Variants in IFT43 observed in about 807,000 individuals in gnomAD.
IFT43 encodes the protein intraflagellar transport protein 43 homolog.
IFT43 carries 33 observed loss-of-function variants against 32.3 expected under a neutral mutation model. The observed-to-expected ratio is 1.02, with a 90% CI of 0.77 to 1.37. The LOEUF (loss-of-function observed/expected upper bound fraction) is 1.37, where lower values mean the gene tolerates loss of function less well. IFT43 is among the 40% of genes most tolerant of loss of function. IFT43 has a pLI of 0.00. For missense variants in IFT43, 274 were observed against 265.9 expected (o/e 1.03, Z -0.21); for synonymous variants, 93 against 98.2 (o/e 0.95, Z 0.31).
chr14:76,063,788 T>C (rs1370659512), intron 5 of IFT43, among the ~76,000 whole-genome samples: 1 of 152,192 alleles, frequency 6.6e-6, no homozygotes, highest in Non-Finnish European at 1.5e-5. Flanking sequence ...GATAATTCTC[T>C]GATAATCACA....
intron 6 of IFT43, 73 bp from the exon 7 acceptor site, chr14:76,082,544 G>A (rs1364116021): frequency 6.4e-7 from 1 of 1,564,160 alleles, no homozygotes; most frequent in Non-Finnish European, 8.8e-7. Flanking sequence ...AGGTTCTGGG[G>A]ACGGTGGCCC....
chr14:76,012,312 G>C (rs1332461470), intron 2 of IFT43, among the ~76,000 whole-genome samples: 1 of 152,136 alleles, frequency 6.6e-6, no homozygotes, highest in Non-Finnish European at 1.5e-5. Context: ...TTAAGAATCT[G>C]GGGGAACCAT....
chr14:76,040,346 C>T (rs1012511483), intron 3 of IFT43, among the ~76,000 whole-genome samples: 1 of 152,174 alleles, frequency 6.6e-6, no homozygotes, highest in African/African-American at 2.4e-5. Context: ...TTTTCCCAGA[C>T]TGAAAAAACC....
chr14:76,019,378 CT>C (rs1020937145), intron 2 of IFT43, among the ~76,000 whole-genome samples: 68 of 143,728 alleles, frequency 4.7e-4, no homozygotes, highest in East Asian at 4.0e-4. Context: ...TCATAGCTGC[CT>C]TTTTTTTTTT....
chr14:76,059,676 C>G (rs2037093000), intron 5 of IFT43: 1 of 427,762 alleles, frequency 2.3e-6, no homozygotes, highest in African/African-American at 2.0e-5. Flanking sequence ...TCTCCATGCT[C>G]CTCTAACCTC....
At position 76,036,890 on chromosome 14, in the gene IFT43, C is replaced by T. The variant is rs530528387; in HGVS notation, c.215+14496C>T. ...TTGCTCAGGCTAGAGTGCAGTGGCA[C>T]GATCATAGCTCACTGCAACCTTGAA... On this transcript the variant is annotated intron_variant, in intron 3 of 8. Coordinates refer to ENST00000314067, the MANE Select transcript of IFT43 (RefSeq NM_001102564.3). Among the ~76,000 whole-genome samples, 21 of 151,714 alleles carry T rather than the reference C, an allele frequency of 1.4e-4. 1 individual carries two copies. The South Asian group carries it at 3.8e-3, about 27-fold the overall frequency.
chr14:76,013,018 G>A (rs58461904), intron 2 of IFT43, among the ~76,000 whole-genome samples: 2,131 of 152,246 alleles, frequency 0.014, 56 homozygotes, highest in African/African-American at 0.044. Context: ...TAGAAAATAG[G>A]TTCTTCTAAA....
chr14:75,999,248 T>C (rs1405864796), intron 2 of IFT43, among the ~76,000 whole-genome samples: 2 of 12,608 alleles, frequency 1.6e-4, no homozygotes, highest in Non-Finnish European at 2.8e-4. Context: ...TATATATATA[T>C]ATATATATAT....
chr14:76,082,622 AG>A lies in IFT43; in HGVS notation c.375del (p.Ile126Ter), dbSNP rs773383057. 1.9e-6 allele frequency: 3 copies of A among 1,614,176 alleles called. No individual in the cohort carries two copies. In the African/African-American group the frequency reaches 4.0e-5, roughly 22 times the overall value. ...VLQVAAPPSI[Q>X]IKRVMTYRDL... is the part of the protein sequence containing the mutation. ...TCGCTCTCTCTTTCCTTCAGCATCCAGATAAAGCGGGTGATGACCTACCGTG... is the reference window on the plus strand; with the variant it reads ...TCGCTCTCTCTTTCCTTCAGCATCCAATAAAGCGGGTGATGACCTACCGTG... On this transcript the variant is annotated frameshift_variant, in exon 7 of 9. Transcript: ENST00000314067. LOFTEE classifies it high-confidence loss of function.
intron 3 of IFT43, among the ~76,000 whole-genome samples, chr14:76,035,549 G>A (rs959244689): frequency 1.3e-5 from 2 of 151,894 alleles, no homozygotes; most frequent in Non-Finnish European, 2.9e-5. Context: ...GAATCTTTTT[G>A]CTTCCCTTTA....
At chr14:76,076,400 G>A (rs964717161) in intron 5 of IFT43, among the ~76,000 whole-genome samples, 3 of 152,196 alleles carry the variant, frequency 2.0e-5, no homozygotes, top group African/African-American at 7.2e-5. Context: ...TTAGCAAAGA[G>A]TTAAGGGTTA....
chr14:76,018,049 A>G (rs2036222014), intron 2 of IFT43, among the ~76,000 whole-genome samples: 1 of 150,144 alleles, frequency 6.7e-6, no homozygotes, highest in African/African-American at 2.4e-5. Flanking sequence ...TATTTTGTTT[A>G]GTTCTGCTCT....
At chr14:75,999,820 T>C (rs2035848559) in intron 2 of IFT43, among the ~76,000 whole-genome samples, 2 of 152,246 alleles carry the variant, frequency 1.3e-5, no homozygotes, top group Non-Finnish European at 2.9e-5. Context: ...ATTTAATGTA[T>C]TGGGAACATA....
chr14:75,992,007 C>T (rs2035653273), intron 2 of IFT43, among the ~76,000 whole-genome samples: 3 of 152,262 alleles, frequency 2.0e-5, no homozygotes, highest in South Asian at 4.1e-4. Flanking sequence ...TTATTTTTGT[C>T]CTCTTGCTGA....
At chr14:76,058,815 T>A in intron 4 of IFT43, 141 bp downstream of exon 4, 1 of 1,569,868 alleles carries the variant, frequency 6.4e-7, no homozygotes. Flanking sequence ...GCCTGCTGAA[T>A]CCAAGGTTTG....
At chr14:75,999,227 TTATATATATATATATA>T (rs1162371057) in intron 2 of IFT43, among the ~76,000 whole-genome samples, 40 of 96,102 alleles carry the variant, frequency 4.2e-4, no homozygotes, top group East Asian at 2.9e-4. Context: ...TAAATTCATT[TTATATATATATATATA>T]TATATATATA....
At chr14:76,072,520 G>C (rs1299517018) in intron 5 of IFT43, among the ~76,000 whole-genome samples, 5 of 152,166 alleles carry the variant, frequency 3.3e-5, no homozygotes, top group African/African-American at 7.2e-5. Flanking sequence ...CATTTTCCTT[G>C]TTATGTGAGC....
chr14:76,028,070 C>T lies in IFT43; in HGVS notation c.215+5676C>T, dbSNP rs2036438366. Among the ~76,000 whole-genome samples, 8 of 151,922 alleles carry T rather than the reference C, an allele frequency of 5.3e-5. No homozygotes were observed. The South Asian group carries it at 1.7e-3, about 32-fold the overall frequency. On this transcript the variant is annotated intron_variant, in intron 3 of 8. Transcript: ENST00000314067. Reference sequence around the variant, plus strand: ...AAGATTCAAGTTAAAGGTTGTTGACCAGAACAGGTGATCATGTGTCCTTAG... The same window carrying T: ...AAGATTCAAGTTAAAGGTTGTTGACTAGAACAGGTGATCATGTGTCCTTAG...
intron 5 of IFT43, among the ~76,000 whole-genome samples, chr14:76,074,343 C>T (rs565343967): frequency 6.6e-6 from 1 of 152,276 alleles, no homozygotes; most frequent in South Asian, 2.1e-4. Context: ...CCTCCTTGTC[C>T]TTAACACATT....
Sources: allele counts gnomAD v4.1 joint callset (sites outside exome capture counted in the v4.1 genomes callset), GRCh38; gene constraint gnomAD v4.1.1; transcripts MANE v1.5; gene names NCBI Gene and HGNC (gene_info 2026-07-23, HGNC 2026-07-21).